TRIM33: variants seen among roughly 807,000 people sequenced by gnomAD.
TRIM33 encodes the protein tripartite motif containing 33, also known as E3 ubiquitin-protein ligase TRIM33.
TRIM33 carries 20 observed loss-of-function variants against 125.4 expected under a neutral mutation model. That is an observed-to-expected ratio of 0.16 (90% CI 0.11 to 0.23). The LOEUF (loss-of-function observed/expected upper bound fraction) is 0.23. Ranked by LOEUF, TRIM33 falls within the 10% of genes least tolerant of loss-of-function variation. TRIM33 has a pLI of 1.00. For missense variants in TRIM33, 920 were observed against 1,411.4 expected (o/e 0.65, Z 5.58); for synonymous variants, 564 against 513.9 (o/e 1.10, Z -1.32).
In TRIM33 at chr1:114,413,571, AAAG is replaced by A. The variant is rs1326514112; in HGVS notation, c.2062-3258_2062-3256del. On this transcript the variant is annotated intron_variant, in intron 11 of 19. Transcript: ENST00000358465. ...GAAACTCCATCTCAAAAAAAAAAAA[AAAG>A]AAAAGAAAAGAAAAAGACTTTTTCT... Among the ~76,000 whole-genome samples the A allele has an allele frequency of 1.5e-3, 169 of 111,460 alleles. 2 individuals are homozygous for A. Among genetic ancestry groups the A allele is most frequent in the African/African-American group, 5.8e-3 (145 of 24,954 alleles). 73.1% of individuals were successfully genotyped at this position (111,460 alleles called of 152,430 possible).
intron 11 of TRIM33, among the ~76,000 whole-genome samples, chr1:114,414,070 C>T (rs1176823778): frequency 6.8e-6 from 1 of 147,482 alleles, no homozygotes; most frequent in Non-Finnish European, 1.5e-5. Flanking sequence ...CACACACACA[C>T]GTTTTTAAAT....
intron 1 of TRIM33, among the ~76,000 whole-genome samples, chr1:114,472,497 C>A (rs1013549988): frequency 8.5e-5 from 13 of 152,180 alleles, no homozygotes; most frequent in African/African-American, 3.1e-4. Flanking sequence ...TTTTGGGAGC[C>A]AGAGGCGGGC....
intron 1 of TRIM33, among the ~76,000 whole-genome samples, chr1:114,477,181 C>T (rs1188178148): frequency 1.3e-5 from 2 of 151,970 alleles, no homozygotes; most frequent in Non-Finnish European, 2.9e-5. Context: ...ATCAAAACAA[C>T]TGAAGAAGAA....
chr1:114,496,085 A>G (rs562840120), intron 1 of TRIM33, among the ~76,000 whole-genome samples: 11 of 152,264 alleles, frequency 7.2e-5, no homozygotes, highest in Non-Finnish European at 1.5e-4. Flanking sequence ...ATTACTTTCA[A>G]TACTTCAGAT....
At chr1:114,399,047 C>T (rs1199355948) in intron 18 of TRIM33, among the ~76,000 whole-genome samples, 1 of 151,752 alleles carries the variant, frequency 6.6e-6, no homozygotes, top group Non-Finnish European at 1.5e-5. Flanking sequence ...GATGGGTCAC[C>T]AGAGATTAGT....
rs73003377 is a variant in TRIM33 at position 114,396,077 on chromosome 1, A to G, written c.*1571T>C. On this transcript the variant is annotated 3_prime_UTR_variant, in exon 20 of 20. Transcript: ENST00000358465. ...TAAATGATTTGCCACAAATCTGCTG[A>G]CTTCTGAAAAATATCTAACAGCAAA... 0.02 allele frequency: 3,984 copies of G among 200,686 alleles called. 167 individuals carry two copies. The highest frequency in any genetic ancestry group is 0.087 in the African/African-American group (3,782 of 43,556). The allele number at this position is 200,686 out of a possible 1,614,324, so 12.4% of individuals were successfully genotyped here. A position where few individuals can be genotyped will look rare whatever the true frequency, so the allele number is the denominator to read the frequency against.
At chr1:114,433,862 C>T in intron 4 of TRIM33, 129 bp from the exon 5 acceptor site, 2 of 544,490 alleles carry the variant, frequency 3.7e-6, no homozygotes, top group Non-Finnish European at 6.4e-6. Context: ...GCCACTCATA[C>T]CTTATCTCAA....
chr1:114,437,698 A>G (rs545414707), intron 4 of TRIM33, among the ~76,000 whole-genome samples: 1 of 152,196 alleles, frequency 6.6e-6, no homozygotes, highest in Admixed American at 6.5e-5. Flanking sequence ...ATTTCAAAAT[A>G]GGTAAAATAA....
At chr1:114,398,661 A>G (rs901565648) in intron 18 of TRIM33, among the ~76,000 whole-genome samples, 6 of 152,066 alleles carry the variant, frequency 3.9e-5, no homozygotes, top group African/African-American at 9.7e-5. Flanking sequence ...ACAGGATCCA[A>G]TGTGATTTAT....
At chr1:114,446,281 T>A (rs1648972812) in intron 4 of TRIM33, among the ~76,000 whole-genome samples, 1 of 152,204 alleles carries the variant, frequency 6.6e-6, no homozygotes, top group African/African-American at 2.4e-5. Flanking sequence ...TCATATATAC[T>A]GGAAGGAATA....
At chr1:114,480,535 A>G (rs12078198) in intron 1 of TRIM33, among the ~76,000 whole-genome samples, 3,267 of 150,350 alleles carry the variant, frequency 0.022, 123 homozygotes, top group African/African-American at 0.076. Flanking sequence ...AAAAAAAAAA[A>G]AGAGAGATAT....
intron 1 of TRIM33, among the ~76,000 whole-genome samples, chr1:114,500,608 T>TA (rs76991752): frequency 5.1e-4 from 70 of 138,200 alleles, no homozygotes; most frequent in South Asian, 2.7e-3. Context: ...ATTTTTTAAT[T>TA]AAAAAAAAAA....
chr1:114,488,777 C>G (rs551595856), intron 1 of TRIM33, among the ~76,000 whole-genome samples: 1 of 151,422 alleles, frequency 6.6e-6, no homozygotes, highest in African/African-American at 2.4e-5. Context: ...AAACAAAAAC[C>G]AAAAAAAATT....
intron 1 of TRIM33, chr1:114,490,910 C>T (rs1652022017): frequency 6.6e-6 from 1 of 152,048 alleles, no homozygotes; most frequent in South Asian, 2.1e-4. Flanking sequence ...CCACATAAGA[C>T]CACACATCGT....
intron 4 of TRIM33, among the ~76,000 whole-genome samples, chr1:114,453,411 A>C (rs1649439391): frequency 6.6e-6 from 1 of 152,092 alleles, no homozygotes; most frequent in South Asian, 2.1e-4. Context: ...TTTAAGGTTA[A>C]ATGGCTCTCC....
intron 1 of TRIM33, among the ~76,000 whole-genome samples, chr1:114,483,069 C>G (rs1651453654): frequency 6.6e-6 from 1 of 152,150 alleles, no homozygotes; most frequent in Admixed American, 6.5e-5. Context: ...CTTTGGGAGG[C>G]TGAGATGGGA....
intron 1 of TRIM33, among the ~76,000 whole-genome samples, chr1:114,467,694 C>T (rs1232155056): frequency 6.6e-6 from 1 of 152,184 alleles, no homozygotes; most frequent in Non-Finnish European, 1.5e-5. Context: ...CAAGGATCAA[C>T]TACTTTTCCA....
At chr1:114,437,616 C>T (rs1648389538) in intron 4 of TRIM33, among the ~76,000 whole-genome samples, 1 of 152,182 alleles carries the variant, frequency 6.6e-6, no homozygotes. Context: ...GGATTATAGG[C>T]GTGAGCCACC....
intron 1 of TRIM33, among the ~76,000 whole-genome samples, chr1:114,504,662 AG>A (rs1557907626): frequency 6.6e-6 from 1 of 152,232 alleles, no homozygotes; most frequent in African/African-American, 2.4e-5. Flanking sequence ...CACTGCTTTA[AG>A]GTATTCTCAT....
Sources: gnomAD v4.1 joint callset for allele counts (sites outside exome capture counted in the v4.1 genomes callset) on GRCh38, gnomAD v4.1.1 for gene constraint, MANE v1.5 for transcripts, NCBI Gene and HGNC (gene_info 2026-07-23, HGNC 2026-07-21) for gene names.